Variants in ZBTB40 observed in about 807,000 individuals in gnomAD.
ZBTB40 encodes the protein zinc finger and BTB domain-containing protein 40.
In ZBTB40, 60 loss-of-function variants were observed where a neutral mutation model predicts 117.5. That is an observed-to-expected ratio of 0.51 (90% CI 0.41 to 0.63). The LOEUF is 0.63. ZBTB40 is among the 30% of genes least tolerant of loss of function. ZBTB40 has a pLI of 0.00. For synonymous variants in ZBTB40, 525 were observed against 577.1 expected, an observed-to-expected ratio of 0.91 and a Z score of 1.29; for missense variants, 1,287 against 1,498.5, an observed-to-expected ratio of 0.86 and a Z score of 2.33.
In ZBTB40 at chr1:22,524,265, C is replaced by T; in HGVS notation, c.3346C>T (p.Pro1116Ser). The change falls in exon 17 of 18, where the codon CCT (proline) becomes TCT (serine). Residue 1116 changes from proline to serine, a missense_variant. This residue lies in a region of ZBTB40 where 417 missense variants were observed against 564.1 expected (regional missense o/e 0.74). Transcript: ENST00000375647. ...CLYCAATFRF[P>S]GALQHHVTTE... ...GTACTGTGCTGCTACTTTCCGTTTT[C>T]CTGGAGCATTGCAGCACCATGTCAC... 7 of 1,614,210 alleles carry T rather than the reference C, an allele frequency of 4.3e-6. No homozygotes were observed. Among genetic ancestry groups the T allele is most frequent in the Non-Finnish European group, 5.9e-6 (7 of 1,180,038 alleles).
Position 22,490,400 on chromosome 1 carries a change from C to T in ZBTB40, c.452C>T (p.Ser151Phe), listed in dbSNP as rs369096143. 6 of 1,613,180 alleles carry T rather than the reference C, an allele frequency of 3.7e-6. No individual in the cohort carries two copies. In the African/African-American group the frequency reaches 4.0e-5, roughly 11 times the overall value. The stretch of plus-strand genomic sequence containing the variant: ...AAGCCTCAAGTAGAAATCCTTTCAT[C>T]TGAAGGTGCTGGAGAGCCTCATTCT... ...PEKPQVEILSSEGAGEPHSSP... is the reference protein window; with the variant it reads ...PEKPQVEILSFEGAGEPHSSP... Residue 151 changes from serine to phenylalanine, a missense_variant, in exon 2 of 18, where the codon TCT becomes TTT. Physicochemically the swap from Ser to Phe is radical, Grantham distance 155. Around this residue, in one of 2 missense-constraint regions of ZBTB40, gnomAD observed 870 missense variants for 934.4 expected, o/e 0.93. Coordinates refer to ENST00000375647, the MANE Select transcript of ZBTB40 (RefSeq NM_014870.4).
chr1:22,467,776 G>GTTTT (rs35900750), intron 1 of ZBTB40, among the ~76,000 whole-genome samples: 3 of 130,480 alleles, frequency 2.3e-5, no homozygotes, highest in African/African-American at 2.9e-5. Context: ...TGTCAGGCCT[G>GTTTT]TTTTTTTTTT....
At chr1:22,476,920 A>G (rs1007379279) in intron 1 of ZBTB40, among the ~76,000 whole-genome samples, 1 of 152,214 alleles carries the variant, frequency 6.6e-6, no homozygotes, top group Non-Finnish European at 1.5e-5. Context: ...GTGTTCCACT[A>G]TGCTTTCTTA....
At chr1:22,473,015 CAAGG>C (rs1641448189) in intron 1 of ZBTB40, among the ~76,000 whole-genome samples, 1 of 152,136 alleles carries the variant, frequency 6.6e-6, no homozygotes, top group African/African-American at 2.4e-5. Context: ...TGTCTGGAGC[CAAGG>C]GCAGGTGCAA....
At chr1:22,447,103 A>C (rs928551510), upstream of ZBTB40, among the ~76,000 whole-genome samples, 11 of 140,044 alleles carry the variant, frequency 7.9e-5, no homozygotes, top group Non-Finnish European at 1.7e-4. Flanking sequence ...ACCTTATCTC[A>C]AAAAAAAAAA....
rs146788234 is a variant in ZBTB40 at position 22,529,378 on chromosome 1, C to G, written c.*2982C>G. On this transcript the variant is annotated 3_prime_UTR_variant, in exon 18 of 18. Transcript: ENST00000375647. Reference sequence around the variant, plus strand: ...CACATGGATCTGTTCGGTGGGTCCCCAGACCTCTGCTCCCAGAGCTCATGG... The same window carrying G: ...CACATGGATCTGTTCGGTGGGTCCCGAGACCTCTGCTCCCAGAGCTCATGG... 989 of 152,412 alleles carry G rather than the reference C, an allele frequency of 6.5e-3. 7 individuals carry two copies. The highest frequency in any genetic ancestry group is 0.01 in the Non-Finnish European group (708 of 68,104). The allele number at this position is 152,412 out of a possible 1,614,324, so 9.4% of individuals were successfully genotyped here.
At chr1:22,468,643 C>CTTTT (rs71020424) in intron 1 of ZBTB40, among the ~76,000 whole-genome samples, 6 of 28,600 alleles carry the variant, frequency 2.1e-4, no homozygotes, top group Admixed American at 6.5e-4. Flanking sequence ...GCCTGGCTGG[C>CTTTT]TTTTTTTTTT....
intron 5 of ZBTB40, 148 bp downstream of exon 5, chr1:22,502,589 C>T: frequency 8.8e-7 from 1 of 1,131,710 alleles, no homozygotes; most frequent in Non-Finnish European, 1.3e-6. Context: ...TGTTTCATAT[C>T]CTGTTGCATT....
chr1:22,471,189 C>G (rs1373038856), intron 1 of ZBTB40, among the ~76,000 whole-genome samples: 1 of 152,208 alleles, frequency 6.6e-6, no homozygotes, highest in Non-Finnish European at 1.5e-5. Context: ...CTTCTGGCAG[C>G]CAGCCAGCTG....
At chr1:22,467,800 A>G (rs1192449371) in intron 1 of ZBTB40, among the ~76,000 whole-genome samples, 7 of 134,184 alleles carry the variant, frequency 5.2e-5, no homozygotes, top group Non-Finnish European at 9.3e-5. Flanking sequence ...TTTTTTCCTG[A>G]TAATAATAGC....
At chr1:22,511,040 A>G (rs1234062584) in intron 9 of ZBTB40, 139 bp from the exon 10 acceptor site, 5 of 1,089,362 alleles carry the variant, frequency 4.6e-6, no homozygotes, top group Non-Finnish European at 6.8e-6. Flanking sequence ...TACATTTATC[A>G]CAAGGCGATG....
In ZBTB40 at chr1:22,507,856, G is replaced by T. The variant is rs938240896; in HGVS notation, c.1361-145G>T. 5.2e-6 allele frequency: 6 copies of T among 1,152,818 alleles called. No homozygotes were observed. In the Admixed American group the frequency reaches 1.1e-4, roughly 22 times the overall value. The allele number at this position is 1,152,818 out of a possible 1,614,324, so 71.4% of individuals were successfully genotyped here. A position where few individuals can be genotyped will look rare whatever the true frequency, so the allele number is the denominator to read the frequency against. On this transcript the variant is annotated intron_variant, in intron 6 of 17. Transcript: ENST00000375647. ...AGGCAGAGGAGCTCTGAACATATGT[G>T]TATGAGGCCCCAAGCCAGGGCTCTG...
intron 12 of ZBTB40, 76 bp from the exon 13 acceptor site, chr1:22,517,224 T>C: frequency 6.3e-7 from 1 of 1,585,608 alleles, no homozygotes; most frequent in Non-Finnish European, 8.6e-7. Flanking sequence ...TGATACGTGC[T>C]GTAGAATTAG....
intron 3 of ZBTB40, among the ~76,000 whole-genome samples, chr1:22,498,152 A>T (rs1298744273): frequency 6.6e-6 from 1 of 152,246 alleles, no homozygotes; most frequent in African/African-American, 2.4e-5. Flanking sequence ...TAAAGTATTT[A>T]GATTACTTCT....
chr1:22,485,615 G>C (rs1369877175), intron 1 of ZBTB40, among the ~76,000 whole-genome samples: 1 of 151,880 alleles, frequency 6.6e-6, no homozygotes, highest in Non-Finnish European at 1.5e-5. Flanking sequence ...CATTAATTTG[G>C]GGAAATTCTC....
intron 3 of ZBTB40, among the ~76,000 whole-genome samples, chr1:22,495,399 T>C (rs575606087): frequency 2.0e-5 from 3 of 152,334 alleles, no homozygotes; most frequent in Admixed American, 6.5e-5. Flanking sequence ...GAAAAGCAAG[T>C]AGTGACCTAA....
intron 15 of ZBTB40, 64 bp downstream of exon 15, chr1:22,521,722 A>AC: frequency 6.2e-7 from 1 of 1,605,550 alleles, no homozygotes; most frequent in Admixed American, 1.7e-5. Flanking sequence ...CCTGGGCCCC[A>AC]CCAGAAATCC....
chr1:22,464,854 G>A (rs1641215481), intron 1 of ZBTB40, among the ~76,000 whole-genome samples: 1 of 135,538 alleles, frequency 7.4e-6, no homozygotes, highest in African/African-American at 2.5e-5. Context: ...ACCTTCAAGT[G>A]CCTTTTTTTC....
In ZBTB40 at chr1:22,490,549, GA is replaced by G; in HGVS notation, c.604del (p.Thr202ProfsTer40). ...AGCCCAGGAGAGCCAGAGGAATGCA[GA>G]AACCCCAGCGGAGACTCCTACTACA... ...PTAQESQRNA[E>X]TPAETPTTAE... On this transcript the variant is annotated frameshift_variant, in exon 2 of 18. Transcript: ENST00000375647. LOFTEE classifies it high-confidence loss of function. The G allele has an allele frequency of 1.2e-6, 2 of 1,613,112 alleles. No homozygotes were observed. Among genetic ancestry groups the G allele is most frequent in the Non-Finnish European group, 1.7e-6 (2 of 1,179,536 alleles).
Sources: gnomAD v4.1 joint callset for allele counts (sites outside exome capture counted in the v4.1 genomes callset) on GRCh38, gnomAD v4.1.1 for gene constraint, gnomAD v4.1.1 regional missense constraint, MANE v1.5 for transcripts, NCBI Gene and HGNC (gene_info 2026-07-23, HGNC 2026-07-21) for gene names.